The following PRKN variants were observed in gnomAD, a reference collection of about 807,000 sequenced individuals.
PRKN encodes E3 ubiquitin-protein ligase parkin.
In PRKN, 56 loss-of-function variants were observed where a neutral mutation model predicts 59.5. The observed-to-expected ratio is 0.94, with a 90% CI of 0.76 to 1.18. PRKN has a LOEUF of 1.18. Ranked by LOEUF, PRKN falls within the 50% of genes most tolerant of loss-of-function variation. The probability of loss-of-function intolerance (pLI) is 0.00; values close to 1 mark genes in which losing one functional copy is unlikely to be tolerated. For missense variants in PRKN, 657 were observed against 596.4 expected, an observed-to-expected ratio of 1.10 and a Z score of -1.06; for synonymous variants, 250 against 222.1, an observed-to-expected ratio of 1.13 and a Z score of -1.12.
rs1792745450 is a variant in PRKN, at chr6:162,490,265, T to C, written c.8-46792A>G. ...AAAAGTGTGCTTTTTCTTTTCAAAGTCTACCCTTTTATGAAATATTTAAGC... is the reference window on the plus strand; with the variant it reads ...AAAAGTGTGCTTTTTCTTTTCAAAGCCTACCCTTTTATGAAATATTTAAGC... On this transcript the variant is annotated intron_variant, in intron 1 of 11. Coordinates refer to ENST00000366898, the MANE Select transcript of PRKN (RefSeq NM_004562.3). 3.9e-5 allele frequency among the ~76,000 whole-genome samples: 6 copies of C among 152,198 alleles called. 1 individual carries two copies. The South Asian group carries it at 1.2e-3, about 31-fold the overall frequency.
chr6:161,377,522 C>T lies in PRKN; in HGVS notation c.1167+9272G>A, dbSNP rs118024018. Reference sequence around the variant, plus strand: ...AAATGCACTGTCGCTATCCTGTAATCCTCTTTAGGGTTGAAAGAGTGGTGA... The same window carrying T: ...AAATGCACTGTCGCTATCCTGTAATTCTCTTTAGGGTTGAAAGAGTGGTGA... On this transcript the variant is annotated intron_variant, in intron 10 of 11. Coordinates refer to ENST00000366898, the MANE Select transcript of PRKN (RefSeq NM_004562.3). The surrounding 1 kb of genome is among the most constrained non-coding windows in gnomAD (Gnocchi z 4.2). 2.8e-4 allele frequency among the ~76,000 whole-genome samples: 42 copies of T among 152,336 alleles called. No homozygotes were observed. In the East Asian group the frequency reaches 6.8e-3, roughly 25 times the overall value.
chr6:161,954,218 G>A (rs1780089955), intron 6 of PRKN, among the ~76,000 whole-genome samples: 14 of 152,158 alleles, frequency 9.2e-5, no homozygotes, highest in Admixed American at 9.2e-4. Flanking sequence ...GCACTTAGAG[G>A]CATATGGCTT....
chr6:161,494,499 T>C (rs560918687), intron 9 of PRKN, among the ~76,000 whole-genome samples: 1 of 152,360 alleles, frequency 6.6e-6, no homozygotes, highest in African/African-American at 2.4e-5. Context: ...TCTATGAAGT[T>C]TAATGATCAA....
chr6:161,977,543 T>TTTTTTG (rs1185364091), intron 5 of PRKN, among the ~76,000 whole-genome samples: 1 of 44,196 alleles, frequency 2.3e-5, no homozygotes, highest in Admixed American at 1.9e-4. Flanking sequence ...GTTTTTTTGG[T>TTTTTTG]TTTTTTTTTT....
At chr6:162,493,432 A>C (rs1007201169) in intron 1 of PRKN, among the ~76,000 whole-genome samples, 1 of 152,216 alleles carries the variant, frequency 6.6e-6, no homozygotes, top group Non-Finnish European at 1.5e-5. Flanking sequence ...AAGGACACTC[A>C]GCAATGCCAT....
At chr6:162,430,007 G>C (rs888878409) in intron 2 of PRKN, among the ~76,000 whole-genome samples, 4 of 151,950 alleles carry the variant, frequency 2.6e-5, no homozygotes, top group Admixed American at 2.6e-4. Flanking sequence ...TATAATATCT[G>C]CATAAAATAT....
chr6:161,676,673 G>A, intron 7 of PRKN, among the ~76,000 whole-genome samples: 1 of 152,052 alleles, frequency 6.6e-6, no homozygotes, highest in South Asian at 2.1e-4. Flanking sequence ...ATATTATCTG[G>A]CTCTCTGCAG....
In PRKN at chr6:161,761,180, T is replaced by A. The variant is rs554282212; in HGVS notation, c.871+24592A>T. ...GTTGCAACAAAACATAGTAGGTACTTGCCTTGAATAAATCAATTCTTTATT... is the reference window on the plus strand; with the variant it reads ...GTTGCAACAAAACATAGTAGGTACTAGCCTTGAATAAATCAATTCTTTATT... On this transcript the variant is annotated intron_variant, in intron 7 of 11. Coordinates refer to ENST00000366898, the MANE Select transcript of PRKN (RefSeq NM_004562.3). 2.0e-5 allele frequency among the ~76,000 whole-genome samples: 3 copies of A among 152,336 alleles called. No individual in the cohort carries two copies. The South Asian group carries it at 6.2e-4, about 32-fold the overall frequency.
intron 4 of PRKN, among the ~76,000 whole-genome samples, chr6:162,105,827 C>T (rs1206479169): frequency 6.6e-6 from 1 of 152,176 alleles, no homozygotes; most frequent in Non-Finnish European, 1.5e-5. Flanking sequence ...ATGAAACAAA[C>T]TAAAATATGA....
At chr6:162,406,962 A>C (rs557652616) in intron 2 of PRKN, among the ~76,000 whole-genome samples, 2 of 152,240 alleles carry the variant, frequency 1.3e-5, no homozygotes, top group South Asian at 4.2e-4. Context: ...TAAGAGCCAT[A>C]ATAATGTTGA....
intron 7 of PRKN, among the ~76,000 whole-genome samples, chr6:161,694,417 T>G (rs914926868): frequency 3.3e-5 from 5 of 152,274 alleles, no homozygotes; most frequent in African/African-American, 9.6e-5. Flanking sequence ...TAAATACCCT[T>G]TGGGGTTTTT....
intron 7 of PRKN, among the ~76,000 whole-genome samples, chr6:161,680,440 G>A (rs545073257): frequency 5.3e-4 from 80 of 152,162 alleles, no homozygotes; most frequent in Middle Eastern, 3.4e-3. Flanking sequence ...TTCTGAGGCC[G>A]TCCTCGAGCG....
chr6:162,701,051 C>A (rs539178290), intron 1 of PRKN, among the ~76,000 whole-genome samples: 144 of 152,196 alleles, frequency 9.5e-4, no homozygotes, highest in African/African-American at 3.4e-3. Context: ...GCTCTGGACT[C>A]CCTCTGAGAT....
intron 1 of PRKN, 40 bp from the exon 2 acceptor site, chr6:162,443,513 T>C (rs2128167816): frequency 3.1e-6 from 5 of 1,597,204 alleles, no homozygotes; most frequent in Non-Finnish European, 3.4e-6. Context: ...AAAGTGAGCA[T>C]CACTCGAAGC....
At chr6:161,629,676 A>G (rs1310310219) in intron 7 of PRKN, among the ~76,000 whole-genome samples, 2 of 151,938 alleles carry the variant, frequency 1.3e-5, no homozygotes, top group African/African-American at 4.8e-5. Context: ...TTCTCACCCA[A>G]CCATCCTCCG....
intron 4 of PRKN, among the ~76,000 whole-genome samples, chr6:162,188,616 G>A (rs975838071): frequency 1.3e-5 from 2 of 152,010 alleles, no homozygotes; most frequent in African/African-American, 2.4e-5. Flanking sequence ...TGGCTCCAAC[G>A]CTGTTCTTTG....
chr6:161,408,317 TAAAA>T (rs35131999), intron 9 of PRKN, among the ~76,000 whole-genome samples: 56 of 99,556 alleles, frequency 5.6e-4, no homozygotes, highest in Admixed American at 1.6e-3. Context: ...GAAAAACTGG[TAAAA>T]AAAAAAAAAA....
At chr6:161,941,747 C>A (rs1213686801) in intron 6 of PRKN, among the ~76,000 whole-genome samples, 2 of 152,110 alleles carry the variant, frequency 1.3e-5, no homozygotes, top group Non-Finnish European at 2.9e-5. Context: ...AGCAGCCGGG[C>A]ACTAAAGAAG....
chr6:162,521,144 A>C (rs753296475), intron 1 of PRKN, among the ~76,000 whole-genome samples: 2 of 152,220 alleles, frequency 1.3e-5, no homozygotes, highest in Admixed American at 6.5e-5. Flanking sequence ...TGTCATTTCA[A>C]TCAGAATTGT....
Sources: allele counts gnomAD v4.1 joint callset (sites outside exome capture counted in the v4.1 genomes callset), GRCh38; gene constraint gnomAD v4.1.1; non-coding constraint Gnocchi (gnomAD v3.1); transcripts MANE v1.5; gene names NCBI Gene and HGNC (gene_info 2026-07-23, HGNC 2026-07-21).